Variants in OPCML observed in about 807,000 individuals in gnomAD.
OPCML encodes the protein opioid binding protein/cell adhesion molecule like, also known as opioid-binding protein/cell adhesion molecule.
Under a neutral mutation model 37.8 loss-of-function variants are expected in OPCML, and 13 were observed. That is an observed-to-expected ratio of 0.34 (90% CI 0.22 to 0.55). The LOEUF is 0.55. OPCML is among the 20% of genes least tolerant of loss of function. The probability of loss-of-function intolerance (pLI) is 0.91; values close to 1 mark genes in which losing one functional copy is unlikely to be tolerated. For missense variants in OPCML, 341 were observed against 435.6 expected, an observed-to-expected ratio of 0.78 and a Z score of 1.93; for synonymous variants, 176 against 168.8, an observed-to-expected ratio of 1.04 and a Z score of -0.33.
chr11:133,219,869 C>T (rs902629016), intron 1 of OPCML, among the ~76,000 whole-genome samples: 4 of 152,148 alleles, frequency 2.6e-5, no homozygotes, highest in South Asian at 2.1e-4. Flanking sequence ...ATGCACAGAA[C>T]CCCCTTCCCA....
intron 1 of OPCML, among the ~76,000 whole-genome samples, chr11:133,125,642 A>G: frequency 8.1e-6 from 1 of 123,072 alleles, no homozygotes; most frequent in African/African-American, 2.7e-5. Flanking sequence ...TAGTATATAT[A>G]CATGTGTCTA....
intron 1 of OPCML, among the ~76,000 whole-genome samples, chr11:133,524,598 A>T (rs1327030302): frequency 6.6e-6 from 1 of 152,168 alleles, no homozygotes; most frequent in East Asian, 1.9e-4. Context: ...TAGGGCCCAC[A>T]TCTGTGTTTA....
intron 2 of OPCML, among the ~76,000 whole-genome samples, chr11:132,774,651 G>T (rs1171897188): frequency 6.6e-6 from 1 of 152,270 alleles, no homozygotes; most frequent in African/African-American, 2.4e-5. Flanking sequence ...CCAGAAATTA[G>T]AATAACTGGC....
chr11:133,205,602 G>C lies in OPCML; in HGVS notation c.62-262592C>G, dbSNP rs1939030226. On this transcript the variant is annotated intron_variant, in intron 1 of 7. Transcript: ENST00000524381. The surrounding 1 kb of genome is among the most constrained non-coding windows in gnomAD (Gnocchi z 4.8). ...ATTGAATTGAATTGGAGAACGCCCA[G>C]TCCTCACGATCATTGCTCAGTTGGT... Among the ~76,000 whole-genome samples, 1 of 152,218 alleles carries C rather than the reference G, an allele frequency of 6.6e-6. No individual in the cohort carries two copies. Among genetic ancestry groups the C allele is most frequent in the African/African-American group, 2.4e-5 (1 of 41,458 alleles).
At chr11:132,808,963 C>T (rs1402537128) in intron 2 of OPCML, among the ~76,000 whole-genome samples, 1 of 150,480 alleles carries the variant, frequency 6.6e-6, no homozygotes, top group Non-Finnish European at 1.5e-5. Context: ...AAAAGCTTTG[C>T]TTTTTTAAAA....
At chr11:132,703,974 T>C (rs1295708265) in intron 2 of OPCML, among the ~76,000 whole-genome samples, 1 of 152,134 alleles carries the variant, frequency 6.6e-6, no homozygotes, top group Non-Finnish European at 1.5e-5. Flanking sequence ...GCTGAGACCA[T>C]GGTGGATGAC....
At chr11:133,358,922 G>C (rs774557983) in intron 1 of OPCML, among the ~76,000 whole-genome samples, 4 of 152,192 alleles carry the variant, frequency 2.6e-5, no homozygotes, top group Admixed American at 6.5e-5. Context: ...AGAGACCAGC[G>C]TGGCTGGGCT....
At chr11:133,342,591 G>A (rs527292674) in intron 1 of OPCML, among the ~76,000 whole-genome samples, 5 of 152,332 alleles carry the variant, frequency 3.3e-5, no homozygotes, top group East Asian at 3.9e-4. Flanking sequence ...GGACCCGTGC[G>A]GAGGTTGGGT....
chr11:132,664,442 T>G (rs752400060), intron 2 of OPCML, among the ~76,000 whole-genome samples: 6 of 152,330 alleles, frequency 3.9e-5, no homozygotes, highest in African/African-American at 1.2e-4. Context: ...CCATATTATC[T>G]TGTAACTTTT....
intron 1 of OPCML, among the ~76,000 whole-genome samples, chr11:133,339,899 T>C (rs1436083570): frequency 1.3e-5 from 2 of 152,216 alleles, no homozygotes; most frequent in Admixed American, 1.3e-4. Context: ...ACATGGCTCC[T>C]GAGAACATCG....
chr11:132,536,966 T>A (rs2096342437), intron 3 of OPCML, among the ~76,000 whole-genome samples: 1 of 152,204 alleles, frequency 6.6e-6, no homozygotes, highest in African/African-American at 2.4e-5. Context: ...TTAATTTGTT[T>A]TGGTTAATTT....
intron 1 of OPCML, among the ~76,000 whole-genome samples, chr11:133,081,944 G>C (rs1948724735): frequency 6.6e-6 from 1 of 151,854 alleles, no homozygotes; most frequent in Non-Finnish European, 1.5e-5. Flanking sequence ...GCATCCCAAC[G>C]GGAGCGCGGT....
chr11:132,634,574 G>A (rs188917171), intron 3 of OPCML, among the ~76,000 whole-genome samples: 1,819 of 152,282 alleles, frequency 0.012, 25 homozygotes, highest in Middle Eastern at 0.027. Context: ...GATTAGATCT[G>A]CACCTTGGGG....
chr11:133,363,766 G>C lies in OPCML; in HGVS notation c.61+168498C>G, dbSNP rs1364892856. ...GACCCCCAAAGGTCAGTGGGGCTCT[G>C]GGAAGCTGTATCCCAAGCCGAGCAA... On this transcript the variant is annotated intron_variant, in intron 1 of 7. Transcript: ENST00000524381. 2.0e-5 allele frequency among the ~76,000 whole-genome samples: 3 copies of C among 152,076 alleles called. No homozygotes were observed. In the East Asian group the frequency reaches 5.8e-4, roughly 29 times the overall value.
chr11:133,447,235 G>T (rs775556124), intron 1 of OPCML, among the ~76,000 whole-genome samples: 3 of 152,024 alleles, frequency 2.0e-5, no homozygotes, highest in Admixed American at 6.6e-5. Context: ...AATTGAAAAG[G>T]CATCTCATTG....
intron 1 of OPCML, among the ~76,000 whole-genome samples, chr11:133,257,341 C>T (rs988462261): frequency 5.3e-5 from 8 of 152,176 alleles, no homozygotes; most frequent in African/African-American, 1.9e-4. Flanking sequence ...AAGGGCAATA[C>T]TCTGAGAAAG....
chr11:132,494,383 T>G (rs954827581), intron 4 of OPCML, among the ~76,000 whole-genome samples: 63 of 152,346 alleles, frequency 4.1e-4, no homozygotes, highest in Admixed American at 1.6e-3. Flanking sequence ...TAAAGTTTTT[T>G]TCTTTGCAAA....
At chr11:133,319,458 C>T (rs1943279593) in intron 1 of OPCML, among the ~76,000 whole-genome samples, 1 of 152,178 alleles carries the variant, frequency 6.6e-6, no homozygotes, top group Non-Finnish European at 1.5e-5. Flanking sequence ...ATTCTTTTCT[C>T]AGAATGGTTT....
intron 2 of OPCML, among the ~76,000 whole-genome samples, chr11:132,659,376 T>C (rs1941853194): frequency 6.6e-6 from 1 of 152,184 alleles, no homozygotes; most frequent in South Asian, 2.1e-4. Context: ...TGAATTTTCA[T>C]AAAGGAGAAA....
Sources: allele counts gnomAD v4.1 joint callset (sites outside exome capture counted in the v4.1 genomes callset), GRCh38; gene constraint gnomAD v4.1.1; non-coding constraint Gnocchi (gnomAD v3.1); transcripts MANE v1.5; gene names NCBI Gene and HGNC (gene_info 2026-07-23, HGNC 2026-07-21).